CACNA1E: variants seen among roughly 807,000 people sequenced by gnomAD.
The protein encoded by CACNA1E is calcium voltage-gated channel subunit alpha1 E.
A neutral mutation model predicts 259.2 loss-of-function variants in CACNA1E; 40 were observed. That is an observed-to-expected ratio of 0.15 (90% CI 0.12 to 0.20). CACNA1E has a LOEUF of 0.20. Among genes scored for constraint, CACNA1E ranks in the 10% least tolerant of loss-of-function variants. The pLI is 1.00. For synonymous variants in CACNA1E, 1,104 were observed against 1,138.5 expected (o/e 0.97, Z 0.61); for missense variants, 1,874 against 3,040.1 (o/e 0.62, Z 9.02).
chr1:181,620,110 T>G (rs779781254), intron 6 of CACNA1E, among the ~76,000 whole-genome samples: 9 of 152,184 alleles, frequency 5.9e-5, no homozygotes, highest in Non-Finnish European at 1.3e-4. Context: ...TATTAGTATA[T>G]GGCCAAGATA....
intron 15 of CACNA1E, among the ~76,000 whole-genome samples, chr1:181,721,533 C>T (rs1478611403): frequency 6.6e-6 from 1 of 152,088 alleles, no homozygotes; most frequent in Non-Finnish European, 1.5e-5. Context: ...GAATCTTTCC[C>T]TTTGATGCTC....
intron 1 of CACNA1E, among the ~76,000 whole-genome samples, chr1:181,491,219 CCAT>C (rs1188919069): frequency 1.3e-5 from 2 of 152,184 alleles, no homozygotes; most frequent in Non-Finnish European, 2.9e-5. Context: ...CAGATGATTT[CCAT>C]CAACATCAAG....
At chr1:181,396,092 C>A (rs1656661250) in intron 1 of CACNA1E, among the ~76,000 whole-genome samples, 1 of 152,226 alleles carries the variant, frequency 6.6e-6, no homozygotes. Flanking sequence ...TCCAAACTCA[C>A]TCTTGCAGTT....
At chr1:181,685,375 G>A (rs73043433) in intron 7 of CACNA1E, among the ~76,000 whole-genome samples, 2 of 151,824 alleles carry the variant, frequency 1.3e-5, no homozygotes, top group Non-Finnish European at 2.9e-5. Flanking sequence ...CCTTGTACAA[G>A]TGTTGAGGGA....
At chr1:181,588,287 T>C (rs892547626) in intron 6 of CACNA1E, among the ~76,000 whole-genome samples, 1 of 152,324 alleles carries the variant, frequency 6.6e-6, no homozygotes, top group Non-Finnish European at 1.5e-5. Context: ...CTGTCTCTTT[T>C]TTTAAACACA....
chr1:181,770,640 G>A (rs1659422936), intron 35 of CACNA1E, among the ~76,000 whole-genome samples: 1 of 152,154 alleles, frequency 6.6e-6, no homozygotes, highest in Admixed American at 6.5e-5. Context: ...GATGGGATTT[G>A]GGTCTGTTGG....
At chr1:181,658,500 T>C (rs911683543) in intron 7 of CACNA1E, among the ~76,000 whole-genome samples, 1 of 152,168 alleles carries the variant, frequency 6.6e-6, no homozygotes, top group Non-Finnish European at 1.5e-5. Flanking sequence ...TAGCCCAGGG[T>C]CTGGCATGGA....
At chr1:181,574,119 C>T (rs1377951466) in intron 3 of CACNA1E, among the ~76,000 whole-genome samples, 1 of 152,070 alleles carries the variant, frequency 6.6e-6, no homozygotes, top group Non-Finnish European at 1.5e-5. Flanking sequence ...CACACTGGGG[C>T]CTCTCACGGG....
chr1:181,365,360 C>T (rs918099040), intron 1 of CACNA1E, among the ~76,000 whole-genome samples: 3 of 152,184 alleles, frequency 2.0e-5, no homozygotes, highest in Non-Finnish European at 4.4e-5. Context: ...TTTGTAAAGA[C>T]AGGGTCCTGC....
chr1:181,790,641 G>A (rs540764189), intron 44 of CACNA1E, 85 bp downstream of exon 44: 38 of 900,414 alleles, frequency 4.2e-5, no homozygotes, highest in South Asian at 1.7e-4. Context: ...GTCATGGTCC[G>A]TCAGGAAAAT....
intron 8 of CACNA1E, among the ~76,000 whole-genome samples, chr1:181,714,528 C>G (rs1558297172): frequency 2.0e-5 from 3 of 152,112 alleles, no homozygotes; most frequent in African/African-American, 7.2e-5. Flanking sequence ...AGTGCCCCTC[C>G]TCCCTAGAAG....
At chr1:181,612,440 G>A (rs754901612) in intron 6 of CACNA1E, among the ~76,000 whole-genome samples, 6 of 152,210 alleles carry the variant, frequency 3.9e-5, no homozygotes, top group Non-Finnish European at 7.3e-5. Context: ...ATGCTCAGGT[G>A]TAGTGAGTTC....
At chr1:181,440,962 G>A (rs12750538) in intron 2 of CACNA1E, among the ~76,000 whole-genome samples, 1 of 120,458 alleles carries the variant, frequency 8.3e-6, no homozygotes, top group Non-Finnish European at 1.6e-5. Context: ...GCCTGGGTGA[G>A]AGAGCGAGAC....
At chr1:181,747,246 G>A (rs1657172965) in intron 25 of CACNA1E, among the ~76,000 whole-genome samples, 1 of 152,250 alleles carries the variant, frequency 6.6e-6, no homozygotes, top group Non-Finnish European at 1.5e-5. Context: ...AGAACCTGAT[G>A]TCCCTGCTCT....
chr1:181,359,107 G>T (rs1653669630), intron 1 of CACNA1E, among the ~76,000 whole-genome samples: 1 of 152,200 alleles, frequency 6.6e-6, no homozygotes, highest in Non-Finnish European at 1.5e-5. Context: ...TAAAATAGAG[G>T]CTTGGCCTGA....
chr1:181,764,513 C>T (rs967540343), intron 34 of CACNA1E, among the ~76,000 whole-genome samples: 30 of 152,176 alleles, frequency 2.0e-4, no homozygotes, highest in African/African-American at 6.8e-4. Context: ...TCCCCACATC[C>T]ATCATTACTG....
rs1010734807 is a variant in CACNA1E, at chr1:181,568,748, C to A, written c.513-9018C>A. On this transcript the variant is annotated intron_variant, in intron 3 of 47. Coordinates refer to ENST00000367573, the MANE Select transcript of CACNA1E (RefSeq NM_001205293.3). The stretch of plus-strand genomic sequence containing the variant: ...AGCAGGGACTACAGACACATGCCAC[C>A]ATGCCCAGCTTATTTTTATTTATTT... 3.3e-5 allele frequency among the ~76,000 whole-genome samples: 5 copies of A among 152,090 alleles called. No homozygotes were observed. The East Asian group carries it at 9.7e-4, about 29-fold the overall frequency.
chr1:181,523,501 A>G (rs896864218), intron 3 of CACNA1E, among the ~76,000 whole-genome samples: 2 of 152,188 alleles, frequency 1.3e-5, no homozygotes, highest in African/African-American at 4.8e-5. Flanking sequence ...GCAAACCTGA[A>G]TTCATATCTT....
intron 7 of CACNA1E, among the ~76,000 whole-genome samples, chr1:181,666,624 G>A (rs561424524): frequency 6.6e-6 from 1 of 151,968 alleles, no homozygotes; most frequent in African/African-American, 2.4e-5. Flanking sequence ...TGAGGAACAG[G>A]AACTTTTTAT....
Sources: allele counts gnomAD v4.1 joint callset (sites outside exome capture counted in the v4.1 genomes callset), GRCh38; gene constraint gnomAD v4.1.1; transcripts MANE v1.5; gene names NCBI Gene and HGNC (gene_info 2026-07-23, HGNC 2026-07-21).